AFG3L2: variants seen among roughly 807,000 people sequenced by gnomAD.
The protein encoded by AFG3L2 is AFG3 like matrix AAA peptidase subunit 2, also known as mitochondrial inner membrane m-AAA protease component AFG3L2.
In AFG3L2, 54 loss-of-function variants were observed where a neutral mutation model predicts 94.5. The ratio of observed to expected loss-of-function variants is 0.57; its 90% CI spans 0.46 to 0.72. The LOEUF (loss-of-function observed/expected upper bound fraction) is 0.72, where lower values mean the gene tolerates loss of function less well. Ranked by LOEUF, AFG3L2 falls within the 30% of genes least tolerant of loss-of-function variation. The pLI, the probability that AFG3L2 is intolerant of heterozygous loss-of-function variation, is 0.00. For missense variants in AFG3L2, 754 were observed against 994.9 expected (o/e 0.76, Z 3.26); for synonymous variants, 377 against 365.5 (o/e 1.03, Z -0.36).
intron 3 of AFG3L2, among the ~76,000 whole-genome samples, chr18:12,367,665 C>G (rs1908848696): frequency 6.6e-6 from 1 of 152,172 alleles, no homozygotes; most frequent in South Asian, 2.1e-4. Flanking sequence ...GAAAGTATAG[C>G]TTAAGTAACT....
chr18:12,367,412 G>A, intron 3 of AFG3L2, 30 bp from the exon 4 acceptor site: 2 of 1,604,606 alleles, frequency 1.2e-6, no homozygotes, highest in Non-Finnish European at 1.7e-6. Context: ...ACACACAGAA[G>A]CACGGCAAGG....
At chr18:12,359,142 A>C (rs1360011503) in intron 7 of AFG3L2, among the ~76,000 whole-genome samples, 199 bp from the exon 8 acceptor site, 4 of 152,220 alleles carry the variant, frequency 2.6e-5, no homozygotes, top group Non-Finnish European at 5.9e-5. Context: ...AACTCTTCGA[A>C]ATAAATGGAG....
At chr18:12,347,489 G>T (rs1236458232) in intron 13 of AFG3L2, among the ~76,000 whole-genome samples, 1 of 152,068 alleles carries the variant, frequency 6.6e-6, no homozygotes, top group Non-Finnish European at 1.5e-5. Context: ...CTCCCCCTAT[G>T]CTGACTGAGG....
chr18:12,376,895 T>G (rs1182620621), intron 1 of AFG3L2, 74 bp downstream of exon 1: 13 of 1,187,796 alleles, frequency 1.1e-5, no homozygotes, highest in Non-Finnish European at 1.4e-5. Flanking sequence ...CCAGTGACCT[T>G]GACGTCCGCT....
At chr18:12,373,723 CA>C (rs1257950768) in intron 1 of AFG3L2, among the ~76,000 whole-genome samples, 2 of 152,190 alleles carry the variant, frequency 1.3e-5, no homozygotes, top group African/African-American at 4.8e-5. Context: ...GGTGCTACAT[CA>C]AAACACGGTG....
Position 12,351,361 on chromosome 18 carries a change from A to G in AFG3L2, c.1371T>C (p.Asp457=). Residue 457 remains aspartate, a synonymous_variant, in exon 11 of 17, where the codon GAT becomes GAC. Transcript: ENST00000269143. The stretch of plus-strand genomic sequence containing the variant: ...GCCTAAGCAGCGCGGGGTCCAGGAT[A>G]TCTGGTCGATTGGTGCCGGCCAAAA... ...VVILAGTNRP[D]ILDPALLRPG... The G allele has an allele frequency of 1.2e-6, 2 of 1,614,196 alleles. No homozygotes were observed. The highest frequency in any genetic ancestry group is 1.7e-6 in the Non-Finnish European group (2 of 1,180,038).
chr18:12,345,637 C>T (rs1432657048), intron 13 of AFG3L2, among the ~76,000 whole-genome samples: 1 of 152,176 alleles, frequency 6.6e-6, no homozygotes, highest in Non-Finnish European at 1.5e-5. Flanking sequence ...TTCTCAGTGC[C>T]TATCTCACTA....
At position 12,344,232 on chromosome 18, in the gene AFG3L2, G is replaced by A. The variant is rs763265106; in HGVS notation, c.1679C>T (p.Thr560Met). The change falls in exon 14 of 17, where the codon ACG becomes ATG. Residue 560 changes from threonine (T) to methionine (M), a missense_variant. Thr to Met is a moderately conservative substitution (Grantham distance 81). Coordinates refer to ENST00000269143, the MANE Select transcript of AFG3L2 (RefSeq NM_006796.3). ...ERVIGGLEKK[T>M]QVLQPEEKKT... ...CTTCTCCTCAGGCTGCAGAACCTGCGTTTTCTTCTCTAAGCCTAACAAAAT... is the reference window on the plus strand; with the variant it reads ...CTTCTCCTCAGGCTGCAGAACCTGCATTTTCTTCTCTAAGCCTAACAAAAT... 6 of 1,613,854 alleles carry A rather than the reference G, an allele frequency of 3.7e-6. No individual in the cohort carries two copies. The highest frequency in any genetic ancestry group is 5.1e-6 in the Non-Finnish European group (6 of 1,179,914).
chr18:12,350,478 C>T (rs7231182), intron 12 of AFG3L2, among the ~76,000 whole-genome samples: 116,018 of 152,080 alleles, frequency 0.76, 44,518 homozygotes, highest in Non-Finnish European at 0.78. Context: ...AAATGATACA[C>T]TGTCAAGAAT....
chr18:12,370,252 A>G (rs904525986), intron 3 of AFG3L2, among the ~76,000 whole-genome samples: 1 of 151,966 alleles, frequency 6.6e-6, no homozygotes, highest in African/African-American at 2.4e-5. Context: ...GATTTCTACG[A>G]TTTTTCTCAA....
chr18:12,374,282 C>A (rs890430361), intron 1 of AFG3L2, among the ~76,000 whole-genome samples: 3 of 152,074 alleles, frequency 2.0e-5, no homozygotes, highest in South Asian at 2.1e-4. Context: ...TTGAGAGCAC[C>A]GCATTTTGGA....
chr18:12,371,292 C>A (rs79127484), intron 2 of AFG3L2, among the ~76,000 whole-genome samples: 1 of 144,716 alleles, frequency 6.9e-6, no homozygotes, highest in Non-Finnish European at 1.5e-5. Flanking sequence ...CCAACCTGGG[C>A]GACAAGAGCC....
intron 6 of AFG3L2, among the ~76,000 whole-genome samples, chr18:12,360,980 C>T (rs953494638): frequency 6.6e-6 from 1 of 152,214 alleles, no homozygotes; most frequent in African/African-American, 2.4e-5. Context: ...CATGTATTAG[C>T]TCCATTTTAT....
Position 12,358,656 on chromosome 18 carries a change from A to G in AFG3L2, c.1026+14T>C. On this transcript the variant is annotated intron_variant, in intron 8 of 16. Coordinates refer to ENST00000269143, the MANE Select transcript of AFG3L2 (RefSeq NM_006796.3). Reference sequence around the variant, plus strand: ...AGAAACATTTCAAAAAGTTAATCTTAAATTTCATTTTACCTTTGGGATTTT... The same window carrying G: ...AGAAACATTTCAAAAAGTTAATCTTGAATTTCATTTTACCTTTGGGATTTT... The G allele has an allele frequency of 6.2e-7, 1 of 1,612,716 alleles. No homozygotes were observed. The highest frequency in any genetic ancestry group is 8.5e-7 in the Non-Finnish European group (1 of 1,179,068).
At chr18:12,338,158 A>G (rs1019475278) in intron 15 of AFG3L2, among the ~76,000 whole-genome samples, 1 of 152,112 alleles carries the variant, frequency 6.6e-6, no homozygotes, top group Non-Finnish European at 1.5e-5. Flanking sequence ...TGCAGCTTTG[A>G]CCTTCTGGGC....
chr18:12,330,094 G>A (rs887285897), intron 16 of AFG3L2, among the ~76,000 whole-genome samples: 1 of 152,224 alleles, frequency 6.6e-6, no homozygotes, highest in African/African-American at 2.4e-5. Flanking sequence ...TAGCACTTTG[G>A]GAGGCCGAGG....
intron 8 of AFG3L2, among the ~76,000 whole-genome samples, chr18:12,358,467 T>G (rs1908560271): frequency 6.6e-6 from 1 of 152,160 alleles, no homozygotes; most frequent in South Asian, 2.1e-4. Flanking sequence ...ACAGATATTT[T>G]CAGGAATACA....
intron 5 of AFG3L2, among the ~76,000 whole-genome samples, chr18:12,365,459 G>A (rs902425761): frequency 3.3e-5 from 5 of 152,134 alleles, no homozygotes. Context: ...AATCCAACTA[G>A]ATAAAAGGAC....
rs1474541785 is a variant in AFG3L2 at position 12,370,853 on chromosome 18, T to C, written c.288A>G (p.Lys96=). ...TATAATATTGTCAAAAGGTACCTTT[T>C]TTCTCTCCCATAACTTCTTTAGGTT... ...ASEPKEVMGE[K]KESKPAATTR... The change falls in exon 3 of 17, where the codon AAA becomes AAG. Residue 96 remains lysine (K), a synonymous_variant. Coordinates refer to ENST00000269143, the MANE Select transcript of AFG3L2 (RefSeq NM_006796.3). 6.3e-7 allele frequency: 1 copy of C among 1,577,262 alleles called. No individual in the cohort carries two copies. Among genetic ancestry groups the C allele is most frequent in the Non-Finnish European group, 8.7e-7 (1 of 1,149,040 alleles).
Sources: gnomAD v4.1 joint callset for allele counts (sites outside exome capture counted in the v4.1 genomes callset) on GRCh38, gnomAD v4.1.1 for gene constraint, MANE v1.5 for transcripts, NCBI Gene and HGNC (gene_info 2026-07-23, HGNC 2026-07-21) for gene names.